Variants in DNER observed in about 807,000 individuals in gnomAD.
DNER encodes delta/notch like EGF repeat containing, also known as delta and Notch-like epidermal growth factor-related receptor.
In DNER, 33 loss-of-function variants were observed where a neutral mutation model predicts 78.2. The ratio of observed to expected loss-of-function variants is 0.42; its 90% CI spans 0.32 to 0.56. DNER has a LOEUF of 0.56. Among genes scored for constraint, DNER ranks in the 20% least tolerant of loss-of-function variants. The pLI is 0.11. For missense variants in DNER, 918 were observed against 975.3 expected, an observed-to-expected ratio of 0.94 and a Z score of 0.78; for synonymous variants, 417 against 384.8, an observed-to-expected ratio of 1.08 and a Z score of -0.98.
In DNER at chr2:229,582,951, G is replaced by A. The variant is rs568411977; in HGVS notation, c.847+2907C>T. ...ACCGCGCCTGACCTAATATATCAAA[G>A]TTTTAAAGATTATTCCCATAAGGAA... On this transcript the variant is annotated intron_variant, in intron 4 of 12. Transcript: ENST00000341772. Among the ~76,000 whole-genome samples, 15 of 152,200 alleles carry A rather than the reference G, an allele frequency of 9.9e-5. No homozygotes were observed. The South Asian group carries it at 2.1e-3, about 21-fold the overall frequency.
intron 8 of DNER, among the ~76,000 whole-genome samples, chr2:229,430,094 A>G (rs1693972197): frequency 6.6e-6 from 1 of 152,226 alleles, no homozygotes; most frequent in Non-Finnish European, 1.5e-5. Flanking sequence ...AATACAGAAG[A>G]GTTCTTTTCT....
At chr2:229,464,714 T>C (rs986999673) in intron 7 of DNER, among the ~76,000 whole-genome samples, 1 of 152,108 alleles carries the variant, frequency 6.6e-6, no homozygotes, top group African/African-American at 2.4e-5. Flanking sequence ...CAGTCAGGGC[T>C]ACAGGTTATT....
chr2:229,525,528 A>T (rs968292082), intron 5 of DNER, among the ~76,000 whole-genome samples: 5 of 151,206 alleles, frequency 3.3e-5, no homozygotes, highest in Admixed American at 1.3e-4. Flanking sequence ...GAAGTTAACT[A>T]AAAAAAAAGT....
chr2:229,600,249 T>C (rs1008570821), intron 1 of DNER, among the ~76,000 whole-genome samples: 5 of 152,272 alleles, frequency 3.3e-5, no homozygotes, highest in Admixed American at 6.5e-5. Context: ...CACCTGTTTA[T>C]GTGCTGACTG....
intron 1 of DNER, among the ~76,000 whole-genome samples, chr2:229,613,699 C>A (rs115993909): frequency 6.6e-6 from 1 of 150,730 alleles, no homozygotes; most frequent in East Asian, 1.9e-4. Context: ...AAAGGAAAGA[C>A]GTTACTTTTA....
intron 3 of DNER, chr2:229,587,270 C>G (rs1053755537): frequency 6.6e-6 from 1 of 152,566 alleles, no homozygotes; most frequent in South Asian, 2.1e-4. Context: ...GAAAGAAACG[C>G]TTAGGACCGG....
chr2:229,635,760 TAAC>T (rs1698520486), intron 1 of DNER, among the ~76,000 whole-genome samples: 1 of 152,134 alleles, frequency 6.6e-6, no homozygotes, highest in Non-Finnish European at 1.5e-5. Flanking sequence ...ATTATATTAA[TAAC>T]AACAGCAAAA....
chr2:229,638,258 C>T (rs959387920), intron 1 of DNER, among the ~76,000 whole-genome samples: 2 of 151,372 alleles, frequency 1.3e-5, no homozygotes, highest in African/African-American at 4.9e-5. Context: ...CTTAAAAGAA[C>T]CAACCATTTT....
intron 10 of DNER, among the ~76,000 whole-genome samples, chr2:229,396,949 C>T (rs537038962): frequency 1.3e-5 from 2 of 152,172 alleles, no homozygotes; most frequent in South Asian, 2.1e-4. Context: ...AGGAATTGTG[C>T]CATTTTGTAG....
intron 10 of DNER, among the ~76,000 whole-genome samples, chr2:229,403,667 C>A (rs1009200039): frequency 5.3e-5 from 8 of 152,144 alleles, no homozygotes; most frequent in Admixed American, 5.2e-4. Flanking sequence ...GTGAGTCCCA[C>A]TGCGCCCTGA....
chr2:229,607,726 C>A (rs1187868221), intron 1 of DNER, among the ~76,000 whole-genome samples: 1 of 151,866 alleles, frequency 6.6e-6, no homozygotes, highest in Admixed American at 6.6e-5. Context: ...AAGGCATTAA[C>A]AATTAGTGTA....
rs1308216899 is a variant in DNER at position 229,482,111 on chromosome 2, TC to T, written c.1148-4859del. Among the ~76,000 whole-genome samples the T allele has an allele frequency of 2.0e-5, 3 of 152,390 alleles. No individual in the cohort carries two copies. In the East Asian group the frequency reaches 5.8e-4, roughly 29 times the overall value. ...CTATACCTAACCATGGAGGCAAGTA[TC>T]AGCAATTGTCTTTCTTTCCTCTAGC... On this transcript the variant is annotated intron_variant, in intron 6 of 12. Coordinates refer to ENST00000341772, the MANE Select transcript of DNER (RefSeq NM_139072.4).
At chr2:229,609,968 G>C (rs768893377) in intron 1 of DNER, among the ~76,000 whole-genome samples, 11 of 152,148 alleles carry the variant, frequency 7.2e-5, no homozygotes, top group Non-Finnish European at 1.2e-4. Context: ...TCACATAAAA[G>C]TTTTTGCCAT....
At chr2:229,524,309 T>C (rs550095931) in intron 5 of DNER, among the ~76,000 whole-genome samples, 4 of 152,338 alleles carry the variant, frequency 2.6e-5, no homozygotes, top group African/African-American at 9.6e-5. Context: ...CATTGTTTCC[T>C]GTTAGGCCTC....
At chr2:229,383,957 A>G (rs1161479373) in intron 11 of DNER, among the ~76,000 whole-genome samples, 1 of 152,196 alleles carries the variant, frequency 6.6e-6, no homozygotes, top group Non-Finnish European at 1.5e-5. Flanking sequence ...CAGAATACAC[A>G]TTCTTCTCAG....
At chr2:229,596,933 A>T (rs901323546) in intron 1 of DNER, among the ~76,000 whole-genome samples, 4 of 152,242 alleles carry the variant, frequency 2.6e-5, no homozygotes, top group Non-Finnish European at 5.9e-5. Flanking sequence ...ATGCACACGC[A>T]CATGCACATG....
chr2:229,360,894 A>G (rs1374418126), intron 12 of DNER, among the ~76,000 whole-genome samples: 1 of 152,224 alleles, frequency 6.6e-6, no homozygotes, highest in East Asian at 1.9e-4. Flanking sequence ...AATGCTAGTT[A>G]CGAAGGTGGT....
At chr2:229,610,774 A>G (rs1574926920) in intron 1 of DNER, among the ~76,000 whole-genome samples, 1 of 152,254 alleles carries the variant, frequency 6.6e-6, no homozygotes, top group Non-Finnish European at 1.5e-5. Context: ...AAAGAACCAT[A>G]AGAGCAGCTT....
rs183646042 is a variant in DNER at position 229,703,755 on chromosome 2, T to C, written c.276+10393A>G. On this transcript the variant is annotated intron_variant, in intron 1 of 12. Coordinates refer to ENST00000341772, the MANE Select transcript of DNER (RefSeq NM_139072.4). ...ACTTCAGTGTGGTGGCACATGCCTG[T>C]AGTCCCAGCTACTCAGGAGGCTGAG... Among the ~76,000 whole-genome samples the C allele has an allele frequency of 2.0e-4, 31 of 152,222 alleles. No individual in the cohort carries two copies. In the East Asian group the frequency reaches 5.6e-3, roughly 28 times the overall value.
Sources: allele counts gnomAD v4.1 joint callset (sites outside exome capture counted in the v4.1 genomes callset), GRCh38; gene constraint gnomAD v4.1.1; transcripts MANE v1.5; gene names NCBI Gene and HGNC (gene_info 2026-07-23, HGNC 2026-07-21).